SLC5A4: variants seen among roughly 807,000 people sequenced by gnomAD.
SLC5A4 encodes solute carrier family 5 member 4, also known as probable glucose sensor protein SLC5A4.
Under a neutral mutation model 70.3 loss-of-function variants are expected in SLC5A4, and 55 were observed. The observed-to-expected ratio is 0.78, with a 90% CI of 0.63 to 0.98. The LOEUF is 0.98. Among genes scored for constraint, SLC5A4 ranks in the 50% least tolerant of loss-of-function variants. The pLI is 0.00. For synonymous variants in SLC5A4, 268 were observed against 305.7 expected (o/e 0.88, Z 1.29); for missense variants, 735 against 839.2 (o/e 0.88, Z 1.53).
the SLC5A4 span, among the ~76,000 whole-genome samples, chr22:32,328,911 A>T: frequency 1.3e-5 from 2 of 152,176 alleles, no homozygotes; most frequent in Non-Finnish European, 2.9e-5. Flanking sequence ...TGCACACCCC[A>T]GTGATGGGGA....
At chr22:32,320,736 A>AAAC in the SLC5A4 span, among the ~76,000 whole-genome samples, 4 of 151,740 alleles carry the variant, frequency 2.6e-5, no homozygotes, top group African/African-American at 9.7e-5. Flanking sequence ...CTGCTTTAAA[A>AAAC]AAAATCTATT....
At chr22:32,244,217 T>C (rs1426006364) in intron 5 of SLC5A4, among the ~76,000 whole-genome samples, 1 of 152,200 alleles carries the variant, frequency 6.6e-6, no homozygotes, top group African/African-American at 2.4e-5. Flanking sequence ...CCAACTAATA[T>C]TGAGGGAAGA....
intron 5 of SLC5A4, among the ~76,000 whole-genome samples, chr22:32,241,063 G>A (rs750269193): frequency 3.9e-5 from 6 of 152,178 alleles, no homozygotes; most frequent in East Asian, 1.9e-4. Context: ...AAGGCAAGAC[G>A]GCAGGTGCAA....
the SLC5A4 span, chr22:32,269,691 C>T: frequency 1.7e-6 from 1 of 603,026 alleles, no homozygotes; most frequent in African/African-American, 1.8e-5. The surrounding 1 kb of genome is among the most constrained non-coding windows in gnomAD (Gnocchi z 4.1). Flanking sequence ...GAGCATTCCC[C>T]CGTACGGTGT....
At chr22:32,323,824 G>A in the SLC5A4 span, among the ~76,000 whole-genome samples, 2 of 152,216 alleles carry the variant, frequency 1.3e-5, no homozygotes, top group South Asian at 4.1e-4. Flanking sequence ...TGGACTTCCT[G>A]GCCCATGGTG....
the SLC5A4 span, among the ~76,000 whole-genome samples, chr22:32,344,855 G>A: frequency 6.6e-5 from 10 of 151,938 alleles, no homozygotes; most frequent in African/African-American, 1.2e-4. Context: ...AGCGTACCCT[G>A]TATCTGCACT....
the SLC5A4 span, among the ~76,000 whole-genome samples, chr22:32,323,718 A>G: frequency 2.4e-3 from 365 of 152,304 alleles, 1 homozygote; most frequent in African/African-American, 8.5e-3. Context: ...AGGAATGGTA[A>G]GCTCACTCCT....
chr22:32,255,127 C>T, intron 1 of SLC5A4, 68 bp downstream of exon 1: 10 of 1,459,426 alleles, frequency 6.9e-6, no homozygotes, highest in Non-Finnish European at 9.6e-6. Flanking sequence ...AACCACACCC[C>T]TTCCCCCCTT....
chr22:32,315,196 C>T, the SLC5A4 span, among the ~76,000 whole-genome samples: 1 of 152,210 alleles, frequency 6.6e-6, no homozygotes, highest in African/African-American at 2.4e-5. Context: ...GCCAAGAGTG[C>T]CAGCAATGAG....
At chr22:32,292,179 T>A in the SLC5A4 span, among the ~76,000 whole-genome samples, 1 of 55,344 alleles carries the variant, frequency 1.8e-5, no homozygotes, top group African/African-American at 7.0e-5. Context: ...ATACTAGATA[T>A]TATATATAAT....
chr22:32,334,238 C>T, the SLC5A4 span, among the ~76,000 whole-genome samples: 2 of 152,262 alleles, frequency 1.3e-5, no homozygotes, highest in East Asian at 3.9e-4. Flanking sequence ...CCCCTCAGGA[C>T]CCACCTCTGC....
At chr22:32,315,957 A>C in the SLC5A4 span, among the ~76,000 whole-genome samples, 1 of 152,102 alleles carries the variant, frequency 6.6e-6, no homozygotes, top group Non-Finnish European at 1.5e-5. Context: ...TCACGAGGTC[A>C]GGAGTTCAAG....
Position 32,226,432 on chromosome 22 carries a change from C to T in SLC5A4, c.1281-609G>A, listed in dbSNP as rs190781309. Among the ~76,000 whole-genome samples, 14 of 152,242 alleles carry T rather than the reference C, an allele frequency of 9.2e-5. No homozygotes were observed. The East Asian group carries it at 1.7e-3, about 19-fold the overall frequency. ...GTGCTTGTTCTGTGAGTAAATGAAC[C>T]GACGCAATTTACTGCAGTGTGCGTA... On this transcript the variant is annotated intron_variant, in intron 11 of 14. Coordinates refer to ENST00000266086, the MANE Select transcript of SLC5A4 (RefSeq NM_014227.3).
the SLC5A4 span, among the ~76,000 whole-genome samples, chr22:32,294,659 G>A: frequency 1.1e-4 from 11 of 102,738 alleles, no homozygotes; most frequent in Non-Finnish European, 4.0e-5. Context: ...ATACAATGGT[G>A]GTTGGCTTTT....
At chr22:32,315,347 G>A in the SLC5A4 span, among the ~76,000 whole-genome samples, 121 of 152,174 alleles carry the variant, frequency 8.0e-4, no homozygotes, top group African/African-American at 2.8e-3. Flanking sequence ...GGTAATACAA[G>A]TAAACTATGT....
rs750058280 is a variant in SLC5A4, at chr22:32,218,602, G to C, written c.1892C>G (p.Ser631Cys). 6.2e-7 allele frequency: 1 copy of C among 1,613,984 alleles called. No homozygotes were observed. Among genetic ancestry groups the C allele is most frequent in the South Asian group, 1.1e-5 (1 of 91,080 alleles). Residue 631 changes from serine to cysteine, a missense_variant, in exon 15 of 15, where the codon TCT becomes TGT. Ser to Cys is a moderately radical substitution (Grantham distance 112). Coordinates refer to ENST00000266086, the MANE Select transcript of SLC5A4 (RefSeq NM_014227.3). ...TATTGTCCTCCACGAGGGCCTCTCA[G>C]ACGTGTCTGTGAGCTTCTTGCTCAA... ...EALSKKLTDT[S>C]ERPSWRTIVN...
the SLC5A4 span, among the ~76,000 whole-genome samples, chr22:32,323,569 C>T: frequency 1.6e-4 from 24 of 152,350 alleles, no homozygotes; most frequent in African/African-American, 5.5e-4. Flanking sequence ...GAGACCCTGT[C>T]TGCAGGCACG....
chr22:32,222,049 G>A lies in SLC5A4; in HGVS notation c.1666-1027C>T, dbSNP rs549152422. On this transcript the variant is annotated intron_variant, in intron 13 of 14. Coordinates refer to ENST00000266086, the MANE Select transcript of SLC5A4 (RefSeq NM_014227.3). ...TGGGATGACAGGCGTGAGCCACTGC[G>A]CCCAGCCTATCAATGGTTTTTAAAC... Among the ~76,000 whole-genome samples, 138 of 152,288 alleles carry A rather than the reference G, an allele frequency of 9.1e-4. 1 individual carries two copies. The highest frequency in any genetic ancestry group is 1.6e-3 in the Non-Finnish European group (111 of 68,024).
At chr22:32,219,149 T>C (rs1173094683) in intron 14 of SLC5A4, among the ~76,000 whole-genome samples, 2 of 152,158 alleles carry the variant, frequency 1.3e-5, no homozygotes, top group Non-Finnish European at 2.9e-5. Context: ...CACTTTCTCA[T>C]CTATTAGTGG....
Sources: allele counts gnomAD v4.1 joint callset (sites outside exome capture counted in the v4.1 genomes callset), GRCh38; gene constraint gnomAD v4.1.1; non-coding constraint Gnocchi (gnomAD v3.1); transcripts MANE v1.5; gene names NCBI Gene and HGNC (gene_info 2026-07-23, HGNC 2026-07-21).